ICOS: variants seen among roughly 807,000 people sequenced by gnomAD.
ICOS encodes the protein inducible T-cell costimulator.
Under a neutral mutation model 24.6 loss-of-function variants are expected in ICOS, and 15 were observed. That is an observed-to-expected ratio of 0.61 (90% CI 0.41 to 0.94). The LOEUF is 0.94. ICOS is among the 40% of genes least tolerant of loss of function. The pLI, the probability that ICOS is intolerant of heterozygous loss-of-function variation, is 0.00. For missense variants in ICOS, 200 were observed against 233.0 expected (o/e 0.86, Z 0.92); for synonymous variants, 89 against 77.5 (o/e 1.15, Z -0.78).
intron 1 of ICOS, among the ~76,000 whole-genome samples, chr2:203,944,147 G>T (rs1301919599): frequency 6.6e-6 from 1 of 152,172 alleles, no homozygotes; most frequent in African/African-American, 2.4e-5. Flanking sequence ...CCTCCCCCCA[G>T]TTCAGGCCAG....
chr2:203,943,503 G>T (rs1689814238), intron 1 of ICOS, among the ~76,000 whole-genome samples: 2 of 152,172 alleles, frequency 1.3e-5, no homozygotes, highest in African/African-American at 4.8e-5. Context: ...TTCCTGTGAT[G>T]TGAACCATCT....
chr2:203,959,506 C>T (rs1323848560), intron 4 of ICOS, 80 bp from the exon 5 acceptor site: 1 of 1,155,520 alleles, frequency 8.7e-7, no homozygotes. Flanking sequence ...GTATGAAAGG[C>T]AATGGAGAGG....
At chr2:203,958,629 T>C (rs1006652950) in intron 4 of ICOS, among the ~76,000 whole-genome samples, 15 of 152,086 alleles carry the variant, frequency 9.9e-5, no homozygotes, top group African/African-American at 3.4e-4. Flanking sequence ...ACAGATTATC[T>C]AAAGGGGACA....
intron 4 of ICOS, 27 bp from the exon 5 acceptor site, chr2:203,959,559 A>G: frequency 6.2e-7 from 1 of 1,606,976 alleles, no homozygotes; most frequent in South Asian, 1.1e-5. Flanking sequence ...GAGCATTTAG[A>G]TAATTTATGC....
At chr2:203,956,838 C>T in intron 3 of ICOS, 73 bp downstream of exon 3, 1 of 1,004,700 alleles carries the variant, frequency 1.0e-6, no homozygotes. Flanking sequence ...ATCAAAAGTA[C>T]ACATGGCTCT....
intron 1 of ICOS, among the ~76,000 whole-genome samples, chr2:203,938,588 C>T (rs1689707594): frequency 1.3e-5 from 2 of 152,148 alleles, no homozygotes; most frequent in African/African-American, 4.8e-5. Flanking sequence ...TGGTACCATT[C>T]GTGGAAGGGT....
In ICOS at chr2:203,961,358, G is replaced by A; in HGVS notation, c.*1759G>A. ...TTTGCAGGTTTCTGTGTGTGGGGTG[G>A]GGTATGGGGAGGAGAACCTTCATGG... is the stretch of plus-strand genomic sequence containing the variant. On this transcript the variant is annotated 3_prime_UTR_variant, in exon 5 of 5. Coordinates refer to ENST00000316386, the MANE Select transcript of ICOS (RefSeq NM_012092.4). The A allele has an allele frequency of 5.7e-6, 1 of 175,602 alleles. No individual in the cohort carries two copies. Among genetic ancestry groups the A allele is most frequent in the Non-Finnish European group, 1.2e-5 (1 of 82,844 alleles). 10.9% of individuals were successfully genotyped at this position (175,602 alleles called of 1,614,324 possible).
intron 1 of ICOS, among the ~76,000 whole-genome samples, chr2:203,950,782 C>T (rs922537138): frequency 6.6e-6 from 1 of 151,962 alleles, no homozygotes; most frequent in East Asian, 1.9e-4. Context: ...AGCGTCCAGG[C>T]CAGGTGCGGT....
chr2:203,960,223 A>C lies in ICOS; in HGVS notation c.*624A>C, dbSNP rs1406171022. On this transcript the variant is annotated 3_prime_UTR_variant, in exon 5 of 5. Transcript: ENST00000316386. Reference sequence around the variant, plus strand: ...TTGTGCCCTCAATTTTCTTTTTAAAAATACTTCTACATGACTGCTTGACAG... The same window carrying C: ...TTGTGCCCTCAATTTTCTTTTTAAACATACTTCTACATGACTGCTTGACAG... 1 of 161,456 alleles carries C rather than the reference A, an allele frequency of 6.2e-6. No individual in the cohort carries two copies. Among genetic ancestry groups the C allele is most frequent in the Non-Finnish European group, 1.4e-5 (1 of 72,592 alleles). The allele number at this position is 161,456 out of a possible 1,614,324, so 10.0% of individuals were successfully genotyped here. A position where few individuals can be genotyped will look rare whatever the true frequency, so the allele number is the denominator to read the frequency against.
Position 203,959,478 on chromosome 2 carries a change from G to GCA in ICOS, c.587-106_587-105dup, listed in dbSNP as rs1690133988. 5 of 830,848 alleles carry GCA rather than the reference G, an allele frequency of 6.0e-6. No individual in the cohort carries two copies. In the East Asian group the frequency reaches 9.9e-5, roughly 16 times the overall value. The allele number at this position is 830,848 out of a possible 1,614,324, so 51.5% of individuals were successfully genotyped here. On this transcript the variant is annotated intron_variant, in intron 4 of 4. Transcript: ENST00000316386. ...TGAGTGTGTGTGTGTGTGTGTGTGT[G>GCA]CACGTGTGTGTTTGTGTGTATGAAA...
chr2:203,959,666 C>T lies in ICOS; in HGVS notation c.*67C>T. The T allele has an allele frequency of 6.8e-7, 1 of 1,460,996 alleles. No individual in the cohort carries two copies. The highest frequency in any genetic ancestry group is 9.6e-7 in the Non-Finnish European group (1 of 1,041,110). 90.5% of individuals were successfully genotyped at this position (1,460,996 alleles called of 1,614,324 possible). On this transcript the variant is annotated 3_prime_UTR_variant, in exon 5 of 5. Transcript: ENST00000316386. ...TTTCCTCAACTTGAAGTGCAAGATTCTCTTATTTCCGGGACCACGGAGAGT... is the reference window on the plus strand; with the variant it reads ...TTTCCTCAACTTGAAGTGCAAGATTTTCTTATTTCCGGGACCACGGAGAGT...
At chr2:203,956,586 C>A in intron 2 of ICOS, 73 bp from the exon 3 acceptor site, 1 of 997,550 alleles carries the variant, frequency 1.0e-6, no homozygotes. Context: ...GATTAAATAG[C>A]TCTTTTAAAT....
chr2:203,959,443 GGTGTGTGTGTGA>G, intron 4 of ICOS, 131 bp from the exon 5 acceptor site: 1 of 726,322 alleles, frequency 1.4e-6, no homozygotes, highest in Non-Finnish European at 2.5e-6. Flanking sequence ...GAGTTTGCAT[GGTGTGTGTGTGA>G]GTGTGTGTGT....
chr2:203,942,746 A>C (rs1348969997), intron 1 of ICOS, among the ~76,000 whole-genome samples: 1 of 152,180 alleles, frequency 6.6e-6, no homozygotes, highest in Admixed American at 6.5e-5. Flanking sequence ...TTCGTAGCAA[A>C]TCTCTTTAGC....
chr2:203,957,932 A>G (rs1393318270), intron 4 of ICOS, 49 bp downstream of exon 4: 1 of 1,144,752 alleles, frequency 8.7e-7, no homozygotes, highest in East Asian at 2.4e-5. Context: ...TCTTCACAGT[A>G]AGCCTGGAAT....
rs530435347 is a variant in ICOS at position 203,939,428 on chromosome 2, C to T, written c.58+2556C>T. Among the ~76,000 whole-genome samples the T allele has an allele frequency of 1.9e-3, 290 of 151,882 alleles. 3 individuals carry two copies. The highest frequency in any genetic ancestry group is 2.7e-3 in the Non-Finnish European group (186 of 67,928). Reference sequence around the variant, plus strand: ...ACACTTTTAATTATAAAAATATCTACGAAAAATGTGAATGTCTAACTACAT... The same window carrying T: ...ACACTTTTAATTATAAAAATATCTATGAAAAATGTGAATGTCTAACTACAT... On this transcript the variant is annotated intron_variant, in intron 1 of 4. Coordinates refer to ENST00000316386, the MANE Select transcript of ICOS (RefSeq NM_012092.4).
At chr2:203,953,498 C>A (rs1182154473) in intron 1 of ICOS, among the ~76,000 whole-genome samples, 1 of 152,148 alleles carries the variant, frequency 6.6e-6, no homozygotes, top group South Asian at 2.1e-4. Context: ...AATCAAATCA[C>A]CCAAATTGAA....
At chr2:203,953,759 C>T (rs987382054) in intron 1 of ICOS, among the ~76,000 whole-genome samples, 7 of 152,084 alleles carry the variant, frequency 4.6e-5, no homozygotes, top group Non-Finnish European at 2.9e-5. Context: ...CAATATCCAA[C>T]GTTAGTATTT....
chr2:203,959,702 T>C lies in ICOS; in HGVS notation c.*103T>C. 2 of 999,062 alleles carry C rather than the reference T, an allele frequency of 2.0e-6. No homozygotes were observed. The highest frequency in any genetic ancestry group is 3.2e-6 in the Non-Finnish European group (2 of 624,450). The allele number at this position is 999,062 out of a possible 1,614,324, so 61.9% of individuals were successfully genotyped here. A position where few individuals can be genotyped will look rare whatever the true frequency, so the allele number is the denominator to read the frequency against. On this transcript the variant is annotated 3_prime_UTR_variant, in exon 5 of 5. Coordinates refer to ENST00000316386, the MANE Select transcript of ICOS (RefSeq NM_012092.4). Reference sequence around the variant, plus strand: ...GGGACCACGGAGAGTCTGACTTAACTACATACATCTTCTGCTGGTGTTTTG... The same window carrying C: ...GGGACCACGGAGAGTCTGACTTAACCACATACATCTTCTGCTGGTGTTTTG...
Sources: gnomAD v4.1 joint callset for allele counts (sites outside exome capture counted in the v4.1 genomes callset) on GRCh38, gnomAD v4.1.1 for gene constraint, MANE v1.5 for transcripts, NCBI Gene and HGNC (gene_info 2026-07-23, HGNC 2026-07-21) for gene names.